Variants in FTO observed in about 807,000 individuals in gnomAD.
FTO encodes FTO alpha-ketoglutarate dependent dioxygenase, also known as alpha-ketoglutarate-dependent dioxygenase FTO.
FTO carries 47 observed loss-of-function variants against 63.9 expected under a neutral mutation model. The observed-to-expected ratio is 0.74, with a 90% CI of 0.58 to 0.94. FTO has a LOEUF of 0.94. Ranked by LOEUF, FTO falls within the 40% of genes least tolerant of loss-of-function variation. FTO has a pLI of 0.00. For missense variants in FTO, 562 were observed against 618.1 expected (o/e 0.91, Z 0.96); for synonymous variants, 207 against 224.4 (o/e 0.92, Z 0.69).
At chr16:53,835,023 T>C (rs1391347136) in intron 3 of FTO, among the ~76,000 whole-genome samples, 1 of 152,242 alleles carries the variant, frequency 6.6e-6, no homozygotes, top group African/African-American at 2.4e-5. Context: ...ATCCTTTTCT[T>C]TTCAACTTTT....
intron 1 of FTO, among the ~76,000 whole-genome samples, chr16:53,807,369 A>G (rs2078399774): frequency 1.3e-5 from 2 of 152,226 alleles, no homozygotes; most frequent in Non-Finnish European, 1.5e-5. Flanking sequence ...ATACAGCCTT[A>G]TAAGTTACAA....
At chr16:53,836,175 G>C (rs1023429319) in intron 3 of FTO, among the ~76,000 whole-genome samples, 3 of 152,192 alleles carry the variant, frequency 2.0e-5, no homozygotes, top group Admixed American at 1.3e-4. Flanking sequence ...ACAGGCATGA[G>C]CCACTGCGCC....
intron 1 of FTO, among the ~76,000 whole-genome samples, chr16:53,809,559 A>C (rs541710492): frequency 6.6e-6 from 1 of 152,324 alleles, no homozygotes; most frequent in Admixed American, 6.5e-5. Flanking sequence ...TCAACAATAC[A>C]TGTGAAGAGT....
chr16:53,815,752 G>A (rs754886264), intron 2 of FTO, among the ~76,000 whole-genome samples: 39 of 147,556 alleles, frequency 2.6e-4, no homozygotes, highest in Non-Finnish European at 5.0e-4. Flanking sequence ...AGGTTCAAGC[G>A]ATTCTCCTGC....
chr16:53,783,136 A>G (rs1325359141), intron 1 of FTO, among the ~76,000 whole-genome samples: 1 of 152,174 alleles, frequency 6.6e-6, no homozygotes, highest in Admixed American at 6.5e-5. Context: ...AAATACCAAA[A>G]TAACAGAATC....
intron 8 of FTO, among the ~76,000 whole-genome samples, chr16:54,049,354 A>C (rs900648117): frequency 5.9e-5 from 9 of 152,214 alleles, no homozygotes; most frequent in African/African-American, 2.2e-4. Flanking sequence ...TTGTGCAAAA[A>C]GAGATGGCTG....
chr16:53,908,575 G>A (rs2081597775), intron 7 of FTO, among the ~76,000 whole-genome samples: 1 of 152,164 alleles, frequency 6.6e-6, no homozygotes, highest in African/African-American at 2.4e-5. Flanking sequence ...CTTTGATATT[G>A]CCCTGTGCCT....
intron 7 of FTO, among the ~76,000 whole-genome samples, chr16:53,918,589 G>GT (rs2081937999): frequency 6.6e-6 from 1 of 152,156 alleles, no homozygotes; most frequent in South Asian, 2.1e-4. Context: ...GTAGAGCAGA[G>GT]TAACTATTTT....
At chr16:53,750,116 T>C (rs1229881949) in intron 1 of FTO, among the ~76,000 whole-genome samples, 1 of 152,258 alleles carries the variant, frequency 6.6e-6, no homozygotes, top group African/African-American at 2.4e-5. Context: ...TAATGAATTT[T>C]AAATTGCATT....
At chr16:54,016,652 A>G (rs2084455935) in intron 8 of FTO, among the ~76,000 whole-genome samples, 2 of 152,338 alleles carry the variant, frequency 1.3e-5, no homozygotes, top group South Asian at 2.1e-4. Context: ...CCCCGAAAGT[A>G]AGGCAGCTCT....
intron 8 of FTO, among the ~76,000 whole-genome samples, chr16:53,950,087 G>A (rs188817389): frequency 8.3e-6 from 1 of 120,772 alleles, no homozygotes; most frequent in African/African-American, 3.4e-5. Flanking sequence ...TTTTTTTTTG[G>A]TGTGTAACAC....
intron 8 of FTO, among the ~76,000 whole-genome samples, chr16:53,996,783 C>T (rs1195734666): frequency 2.0e-5 from 3 of 151,920 alleles, no homozygotes; most frequent in East Asian, 1.9e-4. Flanking sequence ...GGAGAAGTGT[C>T]GAGCAAAAGG....
At chr16:53,714,014 G>A (rs1035403968) in intron 1 of FTO, among the ~76,000 whole-genome samples, 14 of 151,956 alleles carry the variant, frequency 9.2e-5, no homozygotes, top group African/African-American at 3.4e-4. Context: ...CTGTAGTTTT[G>A]GAAATGACCT....
chr16:53,837,649 C>G (rs2079341084), intron 3 of FTO, among the ~76,000 whole-genome samples: 1 of 152,166 alleles, frequency 6.6e-6, no homozygotes. Context: ...TTTCTAAACT[C>G]TAGAACTCTG....
At chr16:54,088,860 T>G (rs558093433) in intron 8 of FTO, among the ~76,000 whole-genome samples, 4 of 152,314 alleles carry the variant, frequency 2.6e-5, no homozygotes, top group African/African-American at 7.2e-5. Flanking sequence ...CCATTTACCT[T>G]GTTTGCTAAC....
chr16:54,080,445 G>T (rs1282889859), intron 8 of FTO, among the ~76,000 whole-genome samples: 1 of 152,178 alleles, frequency 6.6e-6, no homozygotes, highest in East Asian at 1.9e-4. Context: ...GGATACTTGT[G>T]TCTGCATTTA....
intron 8 of FTO, among the ~76,000 whole-genome samples, chr16:54,084,969 T>C (rs886815625): frequency 3.4e-4 from 52 of 152,238 alleles, no homozygotes; most frequent in African/African-American, 1.1e-3. Flanking sequence ...AGAAAAGTCA[T>C]GTGCCTCTTG....
At chr16:54,089,054 C>T (rs1157187685) in intron 8 of FTO, among the ~76,000 whole-genome samples, 6 of 152,104 alleles carry the variant, frequency 3.9e-5, no homozygotes, top group African/African-American at 1.4e-4. Context: ...GGGCGAATTC[C>T]GTGAGAAGTT....
At chr16:53,962,638 T>A (rs2083108483) in intron 8 of FTO, among the ~76,000 whole-genome samples, 1 of 152,190 alleles carries the variant, frequency 6.6e-6, no homozygotes, top group Admixed American at 6.5e-5. Context: ...CATAGACAAC[T>A]GTAATTTGAA....
Sources: allele counts gnomAD v4.1 joint callset (sites outside exome capture counted in the v4.1 genomes callset), GRCh38; gene constraint gnomAD v4.1.1; transcripts MANE v1.5; gene names NCBI Gene and HGNC (gene_info 2026-07-23, HGNC 2026-07-21).